Variants in PXDN observed in about 807,000 individuals in gnomAD.
PXDN encodes peroxidasin.
In PXDN, 77 loss-of-function variants were observed where a neutral mutation model predicts 140.3. That is an observed-to-expected ratio of 0.55 (90% CI 0.46 to 0.66). The LOEUF (loss-of-function observed/expected upper bound fraction) is 0.66, where lower values mean the gene tolerates loss of function less well. Among genes scored for constraint, PXDN ranks in the 30% least tolerant of loss-of-function variants. The pLI is 0.00. For synonymous variants in PXDN, 911 were observed against 857.4 expected, an observed-to-expected ratio of 1.06 and a Z score of -1.09; for missense variants, 1,838 against 2,039.5, an observed-to-expected ratio of 0.90 and a Z score of 1.90.
At chr2:1,671,130 C>G (rs1479958391) in intron 9 of PXDN, among the ~76,000 whole-genome samples, 2 of 151,646 alleles carry the variant, frequency 1.3e-5, no homozygotes, top group Non-Finnish European at 2.9e-5. Flanking sequence ...GAGGGATGAA[C>G]GCACGTTAGA....
intron 1 of PXDN, among the ~76,000 whole-genome samples, chr2:1,741,508 G>A (rs558118205): frequency 1.3e-5 from 2 of 152,224 alleles, no homozygotes; most frequent in South Asian, 4.2e-4. Context: ...CTGAGTCATG[G>A]ATGGGCTTAT....
intron 1 of PXDN, among the ~76,000 whole-genome samples, chr2:1,699,714 AAAACAAAC>A (rs574442204): frequency 6.6e-6 from 1 of 152,216 alleles, no homozygotes; most frequent in African/African-American, 2.4e-5. Context: ...CTGTCTCACC[AAAACAAAC>A]AAACAAACAA....
At chr2:1,653,458 A>G (rs1032360037) in intron 16 of PXDN, 170 bp downstream of exon 16, 5 of 1,016,128 alleles carry the variant, frequency 4.9e-6, no homozygotes, top group Non-Finnish European at 7.5e-6. Context: ...TGAGAGCGAC[A>G]GGGCTGTAGG....
At chr2:1,686,845 C>T (rs1313696389) in intron 4 of PXDN, among the ~76,000 whole-genome samples, 1 of 152,220 alleles carries the variant, frequency 6.6e-6, no homozygotes, top group Non-Finnish European at 1.5e-5. Context: ...GCCAGTGACC[C>T]GTGACCACGG....
chr2:1,737,222 C>T lies in PXDN; in HGVS notation c.200+7034G>A, dbSNP rs373634565. Among the ~76,000 whole-genome samples the T allele has an allele frequency of 1.6e-4, 24 of 152,334 alleles. No homozygotes were observed. In the East Asian group the frequency reaches 3.5e-3, roughly 22 times the overall value. On this transcript the variant is annotated intron_variant, in intron 1 of 22. Transcript: ENST00000252804. Reference sequence around the variant, plus strand: ...AGACGCCCGGAGGACGGCTGCCATTCTTCACCTCGGGCCTCCGGGCTAGTC... The same window carrying T: ...AGACGCCCGGAGGACGGCTGCCATTTTTCACCTCGGGCCTCCGGGCTAGTC...
rs560724196 is a variant in PXDN at position 1,634,398 on chromosome 2, G to C, written c.4321-75C>G. The stretch of plus-strand genomic sequence containing the variant: ...GGTGAGCAAAGCCTGTCAGCTCCGG[G>C]ACAGGTGTCAGCCACGGCCATGAGT... On this transcript the variant is annotated intron_variant, in intron 22 of 22. Coordinates refer to ENST00000252804, the MANE Select transcript of PXDN (RefSeq NM_012293.3). 1.4e-5 allele frequency: 21 copies of C among 1,495,660 alleles called. No homozygotes were observed. The African/African-American group carries it at 2.4e-4, about 17-fold the overall frequency. The allele number at this position is 1,495,660 out of a possible 1,614,324, so 92.6% of individuals were successfully genotyped here. A position where few individuals can be genotyped will look rare whatever the true frequency, so the allele number is the denominator to read the frequency against.
intron 6 of PXDN, among the ~76,000 whole-genome samples, chr2:1,681,200 C>T (rs996007929): frequency 5.3e-5 from 8 of 152,202 alleles, no homozygotes; most frequent in South Asian, 2.1e-4. Context: ...GTGCCATTTG[C>T]GGCGGGGAGA....
chr2:1,657,519 C>G (rs1441518457), intron 14 of PXDN, among the ~76,000 whole-genome samples: 1 of 151,888 alleles, frequency 6.6e-6, no homozygotes, highest in Non-Finnish European at 1.5e-5. Flanking sequence ...TAGGACGTCC[C>G]CCTCCTGACT....
intron 8 of PXDN, among the ~76,000 whole-genome samples, chr2:1,674,497 G>A (rs547063644): frequency 5.9e-5 from 9 of 152,228 alleles, no homozygotes; most frequent in Non-Finnish European, 1.2e-4. Flanking sequence ...GCATGGCTTG[G>A]CCAGTCCTCG....
At chr2:1,662,748 CA>C (rs1473476736) in intron 12 of PXDN, among the ~76,000 whole-genome samples, 3 of 152,208 alleles carry the variant, frequency 2.0e-5, no homozygotes, top group African/African-American at 7.2e-5. Context: ...CCAAGAAACA[CA>C]GAGCCAACCC....
intron 2 of PXDN, 26 bp downstream of exon 2, chr2:1,693,037 G>A: frequency 6.7e-7 from 1 of 1,502,632 alleles, no homozygotes; most frequent in Non-Finnish European, 9.1e-7. Flanking sequence ...TTTTCTATTA[G>A]TTTCCAATAG....
chr2:1,737,492 C>T (rs1685448672), intron 1 of PXDN, among the ~76,000 whole-genome samples: 1 of 151,922 alleles, frequency 6.6e-6, no homozygotes, highest in African/African-American at 2.4e-5. Flanking sequence ...TTTGCTGTGG[C>T]CTTTTGGATC....
Position 1,666,391 on chromosome 2 carries a change from G to A in PXDN, c.1114C>T (p.Arg372Trp), listed in dbSNP as rs1341335102. 51 of 1,613,262 alleles carry A rather than the reference G, an allele frequency of 3.2e-5. No homozygotes were observed. Among genetic ancestry groups the A allele is most frequent in the Middle Eastern group, 1.6e-4 (1 of 6,074 alleles). ...ECSATGHPPP[R>W]ISWTRGDRTP... ...CGGTCACCTCTCGTCCAGGAGATCC[G>A]CGGCGGGGGGTGGCCTGTGGCGCTG... Residue 372 changes from arginine to tryptophan, a missense_variant, in exon 10 of 23, where the codon CGG becomes TGG. Physicochemically the swap from Arg to Trp is moderately radical, Grantham distance 101. This residue lies in a region of PXDN where 208 missense variants were observed against 325.8 expected (regional missense o/e 0.64). Coordinates refer to ENST00000252804, the MANE Select transcript of PXDN (RefSeq NM_012293.3).
intron 8 of PXDN, among the ~76,000 whole-genome samples, chr2:1,675,329 G>T (rs1168317709): frequency 1.3e-5 from 2 of 152,196 alleles, no homozygotes; most frequent in Non-Finnish European, 2.9e-5. Context: ...GCCATATTTA[G>T]CTGTGAGATT....
chr2:1,674,892 C>G (rs1206458334), intron 8 of PXDN, among the ~76,000 whole-genome samples: 1 of 152,184 alleles, frequency 6.6e-6, no homozygotes, highest in Non-Finnish European at 1.5e-5. Context: ...CCTGTGCAGC[C>G]TGGACCAAGC....
intron 8 of PXDN, chr2:1,676,688 G>T: frequency 1.8e-6 from 1 of 547,538 alleles, no homozygotes; most frequent in Non-Finnish European, 3.3e-6. Context: ...TGCCCAGCCA[G>T]GGCACCCCTG....
rs1334209970 is a variant in PXDN at position 1,693,206 on chromosome 2, T to TA, written c.201-73dup. 23 of 1,267,194 alleles carry TA rather than the reference T, an allele frequency of 1.8e-5. No homozygotes were observed. In the East Asian group the frequency reaches 5.1e-4, roughly 28 times the overall value. 78.5% of individuals were successfully genotyped at this position (1,267,194 alleles called of 1,614,324 possible). On this transcript the variant is annotated intron_variant, in intron 1 of 22. Transcript: ENST00000252804. Reference sequence around the variant, plus strand: ...AACATCGCTACACATTTGCTGCTCTTAGTTTCAAAATGGTGACAATGCATT... The same window carrying TA: ...AACATCGCTACACATTTGCTGCTCTTAAGTTTCAAAATGGTGACAATGCATT...
Position 1,660,928 on chromosome 2 carries a change from C to T in PXDN, c.1790G>A (p.Arg597Gln), listed in dbSNP as rs1014853591. Reference protein sequence around the residue: ...ADAGRYECVARNTIGSASVSM... With the variant: ...ADAGRYECVAQNTIGSASVSM... ...CACCGAGGCCGACCCAATGGTGTTC[C>T]GGGCCACACACTCATAGCGACCTGC... The change falls in exon 14 of 23, where the codon CGG becomes CAG. Residue 597 changes from arginine (R) to glutamine (Q), a missense_variant. By Grantham distance (43) the Arg-to-Gln change is conservative. This residue lies in a region of PXDN where 537 missense variants were observed against 583.9 expected (regional missense o/e 0.92). Transcript: ENST00000252804. The surrounding 1 kb of genome is among the most constrained non-coding windows in gnomAD (Gnocchi z 4.6). 11 of 1,613,808 alleles carry T rather than the reference C, an allele frequency of 6.8e-6. No homozygotes were observed. The highest frequency in any genetic ancestry group is 1.7e-5 in the Admixed American group (1 of 60,000).
At position 1,649,490 on chromosome 2, in the gene PXDN, C is replaced by T. The variant is rs1395711531; in HGVS notation, c.2290G>A (p.Glu764Lys). The T allele has an allele frequency of 5.6e-6, 9 of 1,613,862 alleles. No homozygotes were observed. Among genetic ancestry groups the T allele is most frequent in the African/African-American group, 4.0e-5 (3 of 74,926 alleles). The change falls in exon 17 of 23, where the codon GAG (glutamate) becomes AAG (lysine). Residue 764 changes from glutamate to lysine, a missense_variant. Around this residue, in one of 5 missense-constraint regions of PXDN, gnomAD observed 537 missense variants for 583.9 expected, o/e 0.92. Coordinates refer to ENST00000252804, the MANE Select transcript of PXDN (RefSeq NM_012293.3). This position sits in a 1 kb window ranked among gnomAD's most constrained non-coding sequence, Gnocchi z 7.1. ...TCGTACACGGATTTCAGCAGGCGCT[C>T]GAAGGCGGTCAGCGAGGCGCCCCAC... ...PMWGASLTAF[E>K]RLLKSVYENG...
Sources: gnomAD v4.1 joint callset for allele counts (sites outside exome capture counted in the v4.1 genomes callset) on GRCh38, gnomAD v4.1.1 for gene constraint, gnomAD v4.1.1 regional missense constraint, Gnocchi (gnomAD v3.1) non-coding constraint, MANE v1.5 for transcripts, NCBI Gene and HGNC (gene_info 2026-07-23, HGNC 2026-07-21) for gene names.